Variants in CD44 observed in about 807,000 individuals in gnomAD.
CD44 encodes CD44 molecule (IN blood group).
In CD44, 49 loss-of-function variants were observed where a neutral mutation model predicts 88.8. The ratio of observed to expected loss-of-function variants is 0.55; its 90% CI spans 0.44 to 0.70. The LOEUF is 0.70. CD44 is among the 30% of genes least tolerant of loss of function. CD44 has a pLI of 0.00. For missense variants in CD44, 883 were observed against 913.8 expected, an observed-to-expected ratio of 0.97 and a Z score of 0.43; for synonymous variants, 325 against 312.3, an observed-to-expected ratio of 1.04 and a Z score of -0.43.
At chr11:35,159,822 C>T (rs1257033790) in intron 1 of CD44, among the ~76,000 whole-genome samples, 1 of 152,220 alleles carries the variant, frequency 6.6e-6, no homozygotes, top group Non-Finnish European at 1.5e-5. Flanking sequence ...CTCCTTCTCC[C>T]TTTTAACACT....
intron 4 of CD44, among the ~76,000 whole-genome samples, chr11:35,188,897 C>T (rs1945979669): frequency 6.6e-6 from 1 of 151,790 alleles, no homozygotes; most frequent in Non-Finnish European, 1.5e-5. Flanking sequence ...GAGATTGCAC[C>T]ACTGCACCCC....
chr11:35,172,348 G>A (rs533011275), intron 1 of CD44, among the ~76,000 whole-genome samples: 25 of 152,280 alleles, frequency 1.6e-4, no homozygotes, highest in African/African-American at 5.8e-4. Flanking sequence ...CTCAGCTCTT[G>A]GTTGCAGCTG....
chr11:35,173,063 C>T (rs1944083088), intron 1 of CD44, among the ~76,000 whole-genome samples: 1 of 152,242 alleles, frequency 6.6e-6, no homozygotes, highest in African/African-American at 2.4e-5. Flanking sequence ...GTTCCTCTTA[C>T]ATTTGCATAT....
intron 5 of CD44, among the ~76,000 whole-genome samples, chr11:35,195,252 T>C (rs1946626198): frequency 1.3e-5 from 2 of 152,238 alleles, no homozygotes; most frequent in Admixed American, 1.3e-4. Context: ...CTAGGCATTC[T>C]TTCTGCAGAG....
intron 1 of CD44, among the ~76,000 whole-genome samples, chr11:35,154,099 T>C (rs1174337739): frequency 6.6e-6 from 1 of 152,206 alleles, no homozygotes; most frequent in Non-Finnish European, 1.5e-5. Context: ...AAAAGTGTCA[T>C]ATGGTATAGA....
chr11:35,169,963 T>C (rs912983295), intron 1 of CD44, among the ~76,000 whole-genome samples: 8 of 152,214 alleles, frequency 5.3e-5, no homozygotes, highest in African/African-American at 1.9e-4. Context: ...AGTTTCCTCA[T>C]CTCTAAAATG....
intron 5 of CD44, among the ~76,000 whole-genome samples, chr11:35,192,416 C>G (rs960675538): frequency 6.6e-6 from 1 of 152,188 alleles, no homozygotes; most frequent in Non-Finnish European, 1.5e-5. Context: ...AGGAGATTTG[C>G]AAAACCTTAT....
chr11:35,217,687 T>G (rs1220940829), intron 15 of CD44, among the ~76,000 whole-genome samples: 12 of 152,226 alleles, frequency 7.9e-5, no homozygotes, highest in Non-Finnish European at 1.5e-4. Flanking sequence ...AATCAAGATT[T>G]CAGTGTGCAC....
At chr11:35,141,790 G>A (rs1459477391) in intron 1 of CD44, among the ~76,000 whole-genome samples, 3 of 152,318 alleles carry the variant, frequency 2.0e-5, no homozygotes, top group Non-Finnish European at 1.5e-5. Flanking sequence ...AAGTTGTTTG[G>A]CAGGAACTGG....
intron 1 of CD44, among the ~76,000 whole-genome samples, chr11:35,147,617 T>C (rs1204887411): frequency 1.1e-5 from 1 of 87,778 alleles, no homozygotes. Context: ...TTCCCCCAAC[T>C]TTTTTTTTTT....
chr11:35,167,049 A>G (rs1943362629), intron 1 of CD44, among the ~76,000 whole-genome samples: 1 of 152,182 alleles, frequency 6.6e-6, no homozygotes, highest in South Asian at 2.1e-4. Flanking sequence ...AGGGCACAAT[A>G]GCTAGAAAGA....
chr11:35,187,161 C>A (rs1945766570), intron 4 of CD44, among the ~76,000 whole-genome samples: 1 of 152,094 alleles, frequency 6.6e-6, no homozygotes. Context: ...GTAATCCCAG[C>A]TGCTCAGGAG....
intron 1 of CD44, among the ~76,000 whole-genome samples, chr11:35,169,917 T>G (rs144240926): frequency 4.7e-4 from 72 of 152,292 alleles, no homozygotes; most frequent in Non-Finnish European, 8.7e-4. Flanking sequence ...CCCACTTGGA[T>G]GACATTGGGC....
intron 1 of CD44, among the ~76,000 whole-genome samples, chr11:35,157,081 A>G (rs1193477883): frequency 3.9e-5 from 6 of 152,182 alleles, no homozygotes; most frequent in Non-Finnish European, 8.8e-5. Flanking sequence ...ATTGGTCCAT[A>G]ACCTCTATCG....
At chr11:35,139,567 GT>G in intron 1 of CD44, 197 bp downstream of exon 1, 1 of 768,212 alleles carries the variant, frequency 1.3e-6, no homozygotes, top group Non-Finnish European at 2.4e-6. Flanking sequence ...GCACCATTTG[GT>G]TGAAAGAAAA....
At position 35,229,406 on chromosome 11, in the gene CD44, A is replaced by C; in HGVS notation, c.*73A>C. ...ATTACAGGGAGCTGGGACACTTAAC[A>C]GATGCAATGTGCTACTGATTGTTTC... is the stretch of plus-strand genomic sequence containing the variant. On this transcript the variant is annotated 3_prime_UTR_variant, in exon 18 of 18. Coordinates refer to ENST00000428726, the MANE Select transcript of CD44 (RefSeq NM_000610.4). 1 of 879,636 alleles carries C rather than the reference A, an allele frequency of 1.1e-6. No homozygotes were observed. The highest frequency in any genetic ancestry group is 1.8e-6 in the Non-Finnish European group (1 of 543,200). 54.5% of individuals were successfully genotyped at this position (879,636 alleles called of 1,614,324 possible).
intron 1 of CD44, among the ~76,000 whole-genome samples, chr11:35,163,388 T>C (rs74675059): frequency 0.016 from 2,444 of 152,212 alleles, 68 homozygotes; most frequent in African/African-American, 0.055. Flanking sequence ...TTAGTGCCCA[T>C]TGGAGTGTGA....
chr11:35,200,080 A>G lies in CD44; in HGVS notation c.923-1002A>G, dbSNP rs143038966. On this transcript the variant is annotated intron_variant, in intron 7 of 17. Transcript: ENST00000428726. ...GCCCTCTTTCTTCTGGAGGGGTGTG[A>G]TAACTGCTTGATAATAAGCACTTTT... Among the ~76,000 whole-genome samples the G allele has an allele frequency of 2.6e-5, 4 of 151,488 alleles. No individual in the cohort carries two copies. The East Asian group carries it at 7.8e-4, about 29-fold the overall frequency.
chr11:35,153,762 T>G (rs1195683674), intron 1 of CD44, among the ~76,000 whole-genome samples: 1 of 152,192 alleles, frequency 6.6e-6, no homozygotes, highest in Non-Finnish European at 1.5e-5. Context: ...TAGGGAGATC[T>G]CATCTGATTT....
Sources: gnomAD v4.1 joint callset for allele counts (sites outside exome capture counted in the v4.1 genomes callset) on GRCh38, gnomAD v4.1.1 for gene constraint, MANE v1.5 for transcripts, NCBI Gene and HGNC (gene_info 2026-07-23, HGNC 2026-07-21) for gene names.